The following RIN3 variants were observed in gnomAD, a reference collection of about 807,000 sequenced individuals.
RIN3 encodes RAB5 interacting protein 3.
RIN3 carries 54 observed loss-of-function variants against 76.3 expected under a neutral mutation model. That is an observed-to-expected ratio of 0.71 (90% CI 0.57 to 0.89). The LOEUF is 0.89. Ranked by LOEUF, RIN3 falls within the 40% of genes least tolerant of loss-of-function variation. The pLI, the probability that RIN3 is intolerant of heterozygous loss-of-function variation, is 0.00. For synonymous variants in RIN3, 576 were observed against 564.0 expected, an observed-to-expected ratio of 1.02 and a Z score of -0.30; for missense variants, 1,256 against 1,322.1, an observed-to-expected ratio of 0.95 and a Z score of 0.78.
intron 4 of RIN3, among the ~76,000 whole-genome samples, chr14:92,633,336 C>T (rs574675810): frequency 3.9e-4 from 60 of 152,296 alleles, no homozygotes; most frequent in Non-Finnish European, 7.2e-4. Context: ...GAAGTGGGCA[C>T]CATTACCCAA....
chr14:92,639,421 C>G (rs888683587), intron 4 of RIN3, among the ~76,000 whole-genome samples: 1 of 152,148 alleles, frequency 6.6e-6, no homozygotes, highest in Admixed American at 6.5e-5. Flanking sequence ...TGCTGGGCAC[C>G]CTCTCATCCA....
intron 1 of RIN3, among the ~76,000 whole-genome samples, chr14:92,526,889 C>A (rs1896747672): frequency 2.6e-5 from 4 of 152,116 alleles, no homozygotes; most frequent in Admixed American, 2.6e-4. Context: ...CAAGTTACAG[C>A]CATTCTCCCT....
At chr14:92,545,480 G>T (rs566404265) in intron 1 of RIN3, among the ~76,000 whole-genome samples, 1 of 151,936 alleles carries the variant, frequency 6.6e-6, no homozygotes, top group South Asian at 2.1e-4. Flanking sequence ...ATTCTTGTTG[G>T]TACACTCCTT....
chr14:92,611,363 C>A (rs1345173619), intron 3 of RIN3, among the ~76,000 whole-genome samples: 1 of 152,178 alleles, frequency 6.6e-6, no homozygotes, highest in East Asian at 1.9e-4. Context: ...CTCACCTCTG[C>A]CTCCCAGGTT....
Position 92,600,558 on chromosome 14 carries a change from G to C in RIN3, c.368-14849G>C, listed in dbSNP as rs566791464. On this transcript the variant is annotated intron_variant, in intron 3 of 9. Coordinates refer to ENST00000216487, the MANE Select transcript of RIN3 (RefSeq NM_024832.5). ...GGCTCTTGGTGTCTCTGCACTGCTGGTGAAGAGGATGGAGCGTGATTCCTC... is the reference window on the plus strand; with the variant it reads ...GGCTCTTGGTGTCTCTGCACTGCTGCTGAAGAGGATGGAGCGTGATTCCTC... Among the ~76,000 whole-genome samples, 16 of 152,338 alleles carry C rather than the reference G, an allele frequency of 1.1e-4. No homozygotes were observed. In the South Asian group the frequency reaches 3.3e-3, roughly 32 times the overall value.
Position 92,577,359 on chromosome 14 carries a change from G to A in RIN3, c.250-1G>A. On this transcript the variant is annotated splice_acceptor_variant, in intron 2 of 9. Transcript: ENST00000216487. LOFTEE classifies it high-confidence loss of function. Reference sequence around the variant, plus strand: ...AGCTGCATCCCCTTCTTTGGTTTCAGATGTTCCTGGTTCGCCGGGACAGCA... The same window carrying A: ...AGCTGCATCCCCTTCTTTGGTTTCAAATGTTCCTGGTTCGCCGGGACAGCA... The A allele has an allele frequency of 6.2e-7, 1 of 1,610,946 alleles. No individual in the cohort carries two copies. The highest frequency in any genetic ancestry group is 8.5e-7 in the Non-Finnish European group (1 of 1,177,546).
At chr14:92,584,690 G>A (rs1297732172) in intron 3 of RIN3, among the ~76,000 whole-genome samples, 1 of 152,222 alleles carries the variant, frequency 6.6e-6, no homozygotes. Context: ...CAAGATGGAA[G>A]GGAGGCTAGC....
chr14:92,567,894 G>C (rs1236433399), intron 2 of RIN3, among the ~76,000 whole-genome samples: 1 of 152,118 alleles, frequency 6.6e-6, no homozygotes, highest in Non-Finnish European at 1.5e-5. Flanking sequence ...ATCAGTAAAT[G>C]AGAGCAATCT....
At chr14:92,662,889 G>C (rs1253717962) in intron 7 of RIN3, among the ~76,000 whole-genome samples, 1 of 151,150 alleles carries the variant, frequency 6.6e-6, no homozygotes, top group African/African-American at 2.4e-5. Flanking sequence ...CTTAAGTACA[G>C]TGGCACCACC....
intron 5 of RIN3, among the ~76,000 whole-genome samples, chr14:92,641,786 A>T (rs1075472): frequency 3.3e-5 from 5 of 151,922 alleles, no homozygotes; most frequent in Non-Finnish European, 7.4e-5. Flanking sequence ...AGCACACCCT[A>T]CCCCACCCTT....
At chr14:92,560,205 G>C (rs1897721954) in intron 2 of RIN3, among the ~76,000 whole-genome samples, 1 of 152,304 alleles carries the variant, frequency 6.6e-6, no homozygotes, top group Non-Finnish European at 1.5e-5. Context: ...AGAGAACTCT[G>C]CTACAATCCA....
intron 4 of RIN3, among the ~76,000 whole-genome samples, chr14:92,633,017 GT>G (rs1156243464): frequency 6.6e-6 from 1 of 152,208 alleles, no homozygotes; most frequent in African/African-American, 2.4e-5. Context: ...GCCATAGCAG[GT>G]GGTGGGATTG....
At chr14:92,557,953 T>G (rs1044908181) in intron 2 of RIN3, among the ~76,000 whole-genome samples, 1 of 152,190 alleles carries the variant, frequency 6.6e-6, no homozygotes, top group African/African-American at 2.4e-5. Flanking sequence ...GGATGGGAAT[T>G]ACCAGACAGT....
At chr14:92,660,840 A>T (rs768479908) in intron 7 of RIN3, among the ~76,000 whole-genome samples, 5 of 152,236 alleles carry the variant, frequency 3.3e-5, no homozygotes, top group Non-Finnish European at 7.3e-5. Flanking sequence ...TCACTGCACG[A>T]TGGAGCACAG....
At chr14:92,555,480 C>A (rs1208180067) in intron 1 of RIN3, among the ~76,000 whole-genome samples, 1 of 152,172 alleles carries the variant, frequency 6.6e-6, no homozygotes, top group Non-Finnish European at 1.5e-5. Flanking sequence ...CATTTGCCTA[C>A]CCCATCCCAA....
chr14:92,604,012 A>G (rs1457773435), intron 3 of RIN3, among the ~76,000 whole-genome samples: 2 of 152,244 alleles, frequency 1.3e-5, no homozygotes, highest in Non-Finnish European at 2.9e-5. Context: ...AAACTGGCCA[A>G]GTGGTGGTTC....
In RIN3 at chr14:92,645,342, T is replaced by G. The variant is rs558338206; in HGVS notation, c.532+4013T>G. ...CATTGCCACATGCCCACACATACAT[T>G]ATCTCATTTATTTATGTAAAAGCCC... On this transcript the variant is annotated intron_variant, in intron 5 of 9. Coordinates refer to ENST00000216487, the MANE Select transcript of RIN3 (RefSeq NM_024832.5). Among the ~76,000 whole-genome samples the G allele has an allele frequency of 7.9e-5, 12 of 152,298 alleles. No homozygotes were observed. The East Asian group carries it at 2.1e-3, about 27-fold the overall frequency.
In RIN3 at chr14:92,577,171, A is replaced by G. The variant is rs575488374; in HGVS notation, c.250-189A>G. Reference sequence around the variant, plus strand: ...AGAAACTGAGCATGCAGGATCCTCAATGTGGATGTGGGCCAGGTGGCGCAA... The same window carrying G: ...AGAAACTGAGCATGCAGGATCCTCAGTGTGGATGTGGGCCAGGTGGCGCAA... On this transcript the variant is annotated intron_variant, in intron 2 of 9. Coordinates refer to ENST00000216487, the MANE Select transcript of RIN3 (RefSeq NM_024832.5). The G allele has an allele frequency of 1.1e-5, 6 of 527,292 alleles. No homozygotes were observed. In the East Asian group the frequency reaches 2.1e-4, roughly 18 times the overall value. The allele number at this position is 527,292 out of a possible 1,614,324, so 32.7% of individuals were successfully genotyped here. A position where few individuals can be genotyped will look rare whatever the true frequency, so the allele number is the denominator to read the frequency against.
At chr14:92,515,039 A>G (rs1896400703) in intron 1 of RIN3, 1 of 506,522 alleles carries the variant, frequency 2.0e-6, no homozygotes, top group South Asian at 2.9e-5. Context: ...CATCTTGTGC[A>G]GTCCTGAACT....
Sources: allele counts gnomAD v4.1 joint callset (sites outside exome capture counted in the v4.1 genomes callset), GRCh38; gene constraint gnomAD v4.1.1; transcripts MANE v1.5; gene names NCBI Gene and HGNC (gene_info 2026-07-23, HGNC 2026-07-21).